FRYL: variants seen among roughly 807,000 people sequenced by gnomAD.
The protein encoded by FRYL is protein furry homolog-like.
Under a neutral mutation model 351.2 loss-of-function variants are expected in FRYL, and 150 were observed. The ratio of observed to expected loss-of-function variants is 0.43; its 90% CI spans 0.37 to 0.49. The LOEUF is 0.49. Ranked by LOEUF, FRYL falls within the 20% of genes least tolerant of loss-of-function variation. The probability of loss-of-function intolerance (pLI) is 0.00; values close to 1 mark genes in which losing one functional copy is unlikely to be tolerated. For missense variants in FRYL, 3,036 were observed against 3,619.3 expected (o/e 0.84, Z 4.13); for synonymous variants, 1,153 against 1,257.1 (o/e 0.92, Z 1.75).
intron 3 of FRYL, among the ~76,000 whole-genome samples, chr4:48,650,907 G>A (rs898837247): frequency 4.6e-5 from 7 of 152,118 alleles, no homozygotes; most frequent in African/African-American, 1.7e-4. Context: ...GGCAAGCTGT[G>A]GTCAAGGACC....
intron 1 of FRYL, among the ~76,000 whole-genome samples, chr4:48,753,836 C>A (rs887506575): frequency 9.9e-5 from 15 of 152,024 alleles, no homozygotes; most frequent in African/African-American, 3.4e-4. Context: ...CAAATTCATT[C>A]TTTTGCATGT....
Position 48,590,788 on chromosome 4 carries a change from T to A in FRYL, c.1378A>T (p.Ser460Cys). ...GLRVFLVIAD[S>C]LQQKDGEPPM... is the part of the protein sequence containing the mutation. ...GGTTCACCATCTTTCTGCTGCAAAC[T>A]GTCTGCTATTACAAGGAAGACTCTG... The change falls in exon 17 of 64, where the codon AGT becomes TGT. Residue 460 changes from serine to cysteine, a missense_variant. By Grantham distance (112) the Ser-to-Cys change is moderately radical (BLOSUM62 -1). Coordinates refer to ENST00000358350, the MANE Select transcript of FRYL (RefSeq NM_015030.2). The A allele has an allele frequency of 1.2e-6, 2 of 1,613,860 alleles. No homozygotes were observed. The highest frequency in any genetic ancestry group is 1.1e-5 in the South Asian group (1 of 91,030).
intron 6 of FRYL, among the ~76,000 whole-genome samples, chr4:48,620,292 T>C (rs1750391181): frequency 1.3e-5 from 2 of 152,202 alleles, no homozygotes; most frequent in Non-Finnish European, 2.9e-5. Flanking sequence ...CCTCCCTTCA[T>C]AAACCATATG....
At chr4:48,527,436 A>G in intron 53 of FRYL, 41 bp downstream of exon 53, 8 of 1,504,514 alleles carry the variant, frequency 5.3e-6, no homozygotes, top group Non-Finnish European at 7.3e-6. Flanking sequence ...TTCTCATACA[A>G]CTGTTCTATA....
chr4:48,631,542 C>G (rs146862605), intron 4 of FRYL, among the ~76,000 whole-genome samples: 2 of 152,118 alleles, frequency 1.3e-5, no homozygotes, highest in African/African-American at 4.8e-5. Context: ...CAAAAACCCT[C>G]TACTGAGTAC....
intron 36 of FRYL, 90 bp from the exon 37 acceptor site, chr4:48,551,668 C>T (rs920524493): frequency 5.2e-5 from 41 of 786,398 alleles, no homozygotes; most frequent in Non-Finnish European, 7.6e-5. Context: ...GATATCAAAA[C>T]TTAACTAAAA....
chr4:48,648,952 G>T (rs1438473644), intron 3 of FRYL, among the ~76,000 whole-genome samples: 2 of 152,160 alleles, frequency 1.3e-5, no homozygotes, highest in African/African-American at 2.4e-5. Context: ...AATACTTAAT[G>T]AATTTTATAG....
intron 3 of FRYL, among the ~76,000 whole-genome samples, chr4:48,651,079 T>C (rs1273832270): frequency 6.6e-6 from 1 of 152,116 alleles, no homozygotes; most frequent in Non-Finnish European, 1.5e-5. Context: ...GACCCTGTAG[T>C]TCAATGTGAT....
rs1281325623 is a variant in FRYL, at chr4:48,561,644, A to C, written c.3697-8T>G. On this transcript the variant is annotated splice_region_variant and splice_polypyrimidine_tract_variant and intron_variant, in intron 32 of 63. Coordinates refer to ENST00000358350, the MANE Select transcript of FRYL (RefSeq NM_015030.2). The stretch of plus-strand genomic sequence containing the variant: ...CATCTTCGGTTCCAGAATCTATAGG[A>C]ATGTGATTCCATCAACTTAGGTTAA... 6.3e-7 allele frequency: 1 copy of C among 1,594,306 alleles called. No homozygotes were observed.
At chr4:48,705,513 T>C (rs895879396) in intron 2 of FRYL, among the ~76,000 whole-genome samples, 1 of 150,750 alleles carries the variant, frequency 6.6e-6, no homozygotes, top group African/African-American at 2.4e-5. Context: ...TCCTATCATT[T>C]ATATAAGGAG....
chr4:48,567,122 T>C lies in FRYL; in HGVS notation c.3169+126A>G, dbSNP rs1736961947. 3 of 706,622 alleles carry C rather than the reference T, an allele frequency of 4.2e-6. No homozygotes were observed. Among genetic ancestry groups the C allele is most frequent in the South Asian group, 2.5e-5 (1 of 40,292 alleles). The allele number at this position is 706,622 out of a possible 1,614,324, so 43.8% of individuals were successfully genotyped here. ...AAACAAACTCCAGCCATCCAGGTTA[T>C]GCTGACATATTTTTCCAGTATGTTC... On this transcript the variant is annotated intron_variant, in intron 28 of 63. Transcript: ENST00000358350. This position sits in a 1 kb window ranked among gnomAD's most constrained non-coding sequence, Gnocchi z 4.2.
chr4:48,527,930 TG>T (rs1726632978), intron 52 of FRYL, 40 bp downstream of exon 52: 1 of 1,413,308 alleles, frequency 7.1e-7, no homozygotes. Flanking sequence ...AGGAATAACA[TG>T]ATCTTTAAGA....
At chr4:48,636,359 A>G (rs1252302504) in intron 3 of FRYL, among the ~76,000 whole-genome samples, 1 of 152,076 alleles carries the variant, frequency 6.6e-6, no homozygotes, top group Non-Finnish European at 1.5e-5. Context: ...TTTAATTAAG[A>G]TTCATAAGGT....
At chr4:48,601,109 T>A (rs1560691884) in intron 13 of FRYL, among the ~76,000 whole-genome samples, 1 of 152,178 alleles carries the variant, frequency 6.6e-6, no homozygotes, top group Non-Finnish European at 1.5e-5. Context: ...TCCAGTCCTA[T>A]TCCTACAATA....
chr4:48,599,537 C>T (rs1745284504), intron 13 of FRYL, among the ~76,000 whole-genome samples: 1 of 152,110 alleles, frequency 6.6e-6, no homozygotes, highest in Admixed American at 6.6e-5. Flanking sequence ...AGAGTAATGC[C>T]TTTTTAATAT....
At chr4:48,765,739 T>C (rs181935259) in intron 1 of FRYL, among the ~76,000 whole-genome samples, 1 of 152,184 alleles carries the variant, frequency 6.6e-6, no homozygotes, top group Admixed American at 6.5e-5. Flanking sequence ...TTACAGACCA[T>C]ATATCCAAAA....
intron 1 of FRYL, among the ~76,000 whole-genome samples, chr4:48,773,430 C>T (rs1392417865): frequency 6.6e-6 from 1 of 152,146 alleles, no homozygotes; most frequent in East Asian, 1.9e-4. Context: ...GAACTAAGTA[C>T]TTTTAACTTC....
At position 48,581,577 on chromosome 4, in the gene FRYL, G is replaced by A. The variant is rs1472648074; in HGVS notation, c.2015C>T (p.Pro672Leu). The change falls in exon 21 of 64, where the codon CCC (proline) becomes CTC (leucine). Residue 672 changes from proline (P) to leucine (L), a missense_variant. Coordinates refer to ENST00000358350, the MANE Select transcript of FRYL (RefSeq NM_015030.2). The part of the protein sequence containing the change: ...QHGVANGASH[P>L]PPLERSPYSN... ...ATATGGGCTCCTTTCCAGAGGAGGG[G>A]GATGAGAAGCTCCATTAGCTACACC... 1.9e-6 allele frequency: 3 copies of A among 1,609,722 alleles called. No individual in the cohort carries two copies. The highest frequency in any genetic ancestry group is 1.7e-5 in the Admixed American group (1 of 59,444).
chr4:48,711,158 G>A (rs1490218395), intron 1 of FRYL, among the ~76,000 whole-genome samples: 6 of 152,228 alleles, frequency 3.9e-5, no homozygotes, highest in Non-Finnish European at 5.9e-5. Flanking sequence ...GGTGATTTCT[G>A]CATTTCCATC....
Sources: gnomAD v4.1 joint callset for allele counts (sites outside exome capture counted in the v4.1 genomes callset) on GRCh38, gnomAD v4.1.1 for gene constraint, Gnocchi (gnomAD v3.1) non-coding constraint, MANE v1.5 for transcripts, NCBI Gene and HGNC (gene_info 2026-07-23, HGNC 2026-07-21) for gene names.